Variants in FA2H observed in about 807,000 individuals in gnomAD.
FA2H encodes the protein fatty acid alpha-hydroxylase.
In FA2H, 22 loss-of-function variants were observed where a neutral mutation model predicts 44.9. That is an observed-to-expected ratio of 0.49 (90% confidence interval 0.35 to 0.70). FA2H has a LOEUF of 0.70. Ranked by LOEUF, FA2H falls within the 30% of genes least tolerant of loss-of-function variation. FA2H has a pLI of 0.01. For synonymous variants in FA2H, 243 were observed against 213.2 expected, an observed-to-expected ratio of 1.14 and a Z score of -1.22; for missense variants, 501 against 504.9, an observed-to-expected ratio of 0.99 and a Z score of 0.07.
chr16:74,745,899 G>A (rs1045247746), intron 1 of FA2H, among the ~76,000 whole-genome samples: 2 of 148,602 alleles, frequency 1.3e-5, no homozygotes, highest in African/African-American at 5.0e-5. Context: ...TCTGTGTCCT[G>A]AGTTCAAGCA....
chr16:74,724,512 T>G (rs1214497832), intron 4 of FA2H, among the ~76,000 whole-genome samples: 1 of 152,212 alleles, frequency 6.6e-6, no homozygotes, highest in Non-Finnish European at 1.5e-5. Flanking sequence ...GACTCTTCTG[T>G]ATTGATTCCA....
At chr16:74,716,321 G>T (rs1961695678) in intron 6 of FA2H, 26 bp downstream of exon 6, 3 of 1,611,788 alleles carry the variant, frequency 1.9e-6, no homozygotes, top group East Asian at 2.2e-5. Flanking sequence ...CACATAGGGG[G>T]CTGGGAAGCA....
chr16:74,770,233 G>C (rs777438261), intron 1 of FA2H, among the ~76,000 whole-genome samples: 5 of 152,228 alleles, frequency 3.3e-5, no homozygotes, highest in Non-Finnish European at 5.9e-5. Flanking sequence ...CAGCAGGAGA[G>C]GAGGGAAGTG....
At chr16:74,737,986 G>T (rs994587804) in intron 2 of FA2H, among the ~76,000 whole-genome samples, 5 of 152,132 alleles carry the variant, frequency 3.3e-5, no homozygotes, top group African/African-American at 1.2e-4. Flanking sequence ...CCCTTTTTTG[G>T]AAAGTCAAAA....
At chr16:74,728,063 T>G (rs554546771) in intron 2 of FA2H, among the ~76,000 whole-genome samples, 1 of 152,342 alleles carries the variant, frequency 6.6e-6, no homozygotes, top group South Asian at 2.1e-4. Flanking sequence ...CAAATCCATT[T>G]GCCATTTACT....
At chr16:74,745,039 T>C (rs1962393041) in intron 1 of FA2H, among the ~76,000 whole-genome samples, 1 of 152,142 alleles carries the variant, frequency 6.6e-6, no homozygotes, top group Non-Finnish European at 1.5e-5. Flanking sequence ...TGTCAGGTGA[T>C]TGCTTTCTTG....
At position 74,713,840 on chromosome 16, in the gene FA2H, G is replaced by A. The variant is rs888885371; in HGVS notation, c.*350C>T. 1 of 302,952 alleles carries A rather than the reference G, an allele frequency of 3.3e-6. No homozygotes were observed. Among genetic ancestry groups the A allele is most frequent in the Non-Finnish European group, 6.4e-6 (1 of 156,080 alleles). 18.8% of individuals were successfully genotyped at this position (302,952 alleles called of 1,614,324 possible). On this transcript the variant is annotated 3_prime_UTR_variant, in exon 7 of 7. Coordinates refer to ENST00000219368, the MANE Select transcript of FA2H (RefSeq NM_024306.5). ...GGCAGCCCATGAGGCTAAGGCACAA[G>A]GGTGACACAGGTGGCCACGAGGGCT...
chr16:74,751,019 G>A (rs946808866), intron 1 of FA2H, among the ~76,000 whole-genome samples: 2 of 151,884 alleles, frequency 1.3e-5, no homozygotes, highest in Non-Finnish European at 1.5e-5. Context: ...CTGGCCTCAG[G>A]GGATCCTTCT....
intron 2 of FA2H, among the ~76,000 whole-genome samples, chr16:74,738,748 C>T (rs13339429): frequency 6.6e-6 from 1 of 150,984 alleles, no homozygotes; most frequent in African/African-American, 2.4e-5. Context: ...CCTCCGATCT[C>T]CCCCTGTTCC....
Position 74,755,694 on chromosome 16 carries a change from C to A in FA2H, c.271-15579G>T, listed in dbSNP as rs988030176. Among the ~76,000 whole-genome samples, 7 of 152,256 alleles carry A rather than the reference C, an allele frequency of 4.6e-5. No individual in the cohort carries two copies. In the East Asian group the frequency reaches 1.2e-3, roughly 25 times the overall value. On this transcript the variant is annotated intron_variant, in intron 1 of 6. Coordinates refer to ENST00000219368, the MANE Select transcript of FA2H (RefSeq NM_024306.5). Reference sequence around the variant, plus strand: ...GAATCTCACCAGGAGCACCTGCATCCCCTCTAACCTGGATTTCACCATTCA... The same window carrying A: ...GAATCTCACCAGGAGCACCTGCATCACCTCTAACCTGGATTTCACCATTCA...
intron 1 of FA2H, among the ~76,000 whole-genome samples, chr16:74,756,683 C>G (rs1208836775): frequency 6.6e-6 from 1 of 151,736 alleles, no homozygotes; most frequent in Non-Finnish European, 1.5e-5. Flanking sequence ...CAAAAACAGA[C>G]CTAAATAACT....
At position 74,713,029 on chromosome 16, in the gene FA2H, T is replaced by C. The variant is rs1961612284; in HGVS notation, c.*1161A>G. ...AGTTTTTATTTCACAACCGTAGTTT[T>C]GTATATTTATTCCAAAATCTTTAAA... On this transcript the variant is annotated 3_prime_UTR_variant, in exon 7 of 7. Coordinates refer to ENST00000219368, the MANE Select transcript of FA2H (RefSeq NM_024306.5). 6.5e-6 allele frequency: 1 copy of C among 152,684 alleles called. No individual in the cohort carries two copies. Among genetic ancestry groups the C allele is most frequent in the African/African-American group, 2.4e-5 (1 of 41,466 alleles). 9.5% of individuals were successfully genotyped at this position (152,684 alleles called of 1,614,324 possible).
At chr16:74,749,355 C>A (rs1457548458) in intron 1 of FA2H, among the ~76,000 whole-genome samples, 1 of 144,786 alleles carries the variant, frequency 6.9e-6, no homozygotes, top group Non-Finnish European at 1.5e-5. Context: ...ACCCCCGAAG[C>A]CCACCCACCC....
At chr16:74,761,632 GT>G (rs756255982) in intron 1 of FA2H, among the ~76,000 whole-genome samples, 25 of 152,294 alleles carry the variant, frequency 1.6e-4, no homozygotes, top group Admixed American at 1.2e-3. Flanking sequence ...TGAGTCAGTT[GT>G]TTAATAAATT....
chr16:74,727,847 C>G (rs150551677), intron 2 of FA2H, among the ~76,000 whole-genome samples: 140 of 152,294 alleles, frequency 9.2e-4, no homozygotes, highest in African/African-American at 3.1e-3. Context: ...CATTTTGTAT[C>G]AGGAATGAAG....
chr16:74,766,645 G>T (rs1014241275), intron 1 of FA2H, among the ~76,000 whole-genome samples: 2 of 152,242 alleles, frequency 1.3e-5, no homozygotes, highest in East Asian at 1.9e-4. Context: ...AAAACTAAGG[G>T]GGGGGGCTCC....
At chr16:74,746,612 G>C (rs1466586578) in intron 1 of FA2H, among the ~76,000 whole-genome samples, 1 of 152,006 alleles carries the variant, frequency 6.6e-6, no homozygotes, top group African/African-American at 2.4e-5. Context: ...AAATGATGTG[G>C]GCCGAACCAA....
intron 1 of FA2H, among the ~76,000 whole-genome samples, chr16:74,749,385 T>C (rs1325118396): frequency 7.3e-6 from 1 of 136,134 alleles, no homozygotes; most frequent in Admixed American, 7.5e-5. Context: ...CCCGCAGTCA[T>C]TGCAAGGCGA....
At chr16:74,720,024 G>A (rs999313011) in intron 4 of FA2H, among the ~76,000 whole-genome samples, 1 of 152,000 alleles carries the variant, frequency 6.6e-6, no homozygotes, top group Non-Finnish European at 1.5e-5. Flanking sequence ...GAAGACTGGA[G>A]ACAGGGCACC....
Sources: allele counts gnomAD v4.1 joint callset (sites outside exome capture counted in the v4.1 genomes callset), GRCh38; gene constraint gnomAD v4.1.1; transcripts MANE v1.5; gene names NCBI Gene and HGNC (gene_info 2026-07-23, HGNC 2026-07-21).